Variants in ADGRL2 observed in about 807,000 individuals in gnomAD.
The protein encoded by ADGRL2 is adhesion G protein-coupled receptor L2.
A neutral mutation model predicts 157.4 loss-of-function variants in ADGRL2; 44 were observed. The ratio of observed to expected loss-of-function variants is 0.28; its 90% CI spans 0.22 to 0.36. The LOEUF (loss-of-function observed/expected upper bound fraction) is 0.36. Among genes scored for constraint, ADGRL2 ranks in the 10% least tolerant of loss-of-function variants. The probability of loss-of-function intolerance (pLI) is 1.00; values close to 1 mark genes in which losing one functional copy is unlikely to be tolerated. For synonymous variants in ADGRL2, 585 were observed against 624.7 expected (o/e 0.94, Z 0.95); for missense variants, 1,510 against 1,768.9 (o/e 0.85, Z 2.63).
chr1:81,619,942 T>TA (rs3834770), intron 3 of ADGRL2, among the ~76,000 whole-genome samples: 58,728 of 150,770 alleles, frequency 0.39, 11,820 homozygotes, highest in African/African-American at 0.49. Context: ...TCCATTTCTT[T>TA]AAAAAAAAAG....
rs114345609 is a variant in ADGRL2, at chr1:81,309,053, G to T, written c.-302+2544G>T. ...AAAAAGATAAATTATCATCTTAAAA[G>T]GATGCTATGGAAGGTGTTAATAAGT... On this transcript the variant is annotated intron_variant, in intron 1 of 24. Transcript: ENST00000370721. Among the ~76,000 whole-genome samples, 203 of 152,182 alleles carry T rather than the reference G, an allele frequency of 1.3e-3. 1 individual carries two copies. Among genetic ancestry groups the T allele is most frequent in the Non-Finnish European group, 2.3e-3 (159 of 67,972 alleles).
intron 2 of ADGRL2, among the ~76,000 whole-genome samples, chr1:81,519,487 G>T (rs1298994965): frequency 6.6e-6 from 1 of 151,974 alleles, no homozygotes; most frequent in African/African-American, 2.4e-5. Context: ...TATAACAAAA[G>T]ATACTAATTT....
chr1:81,602,247 G>T (rs941170027), intron 3 of ADGRL2, among the ~76,000 whole-genome samples: 5 of 152,046 alleles, frequency 3.3e-5, no homozygotes, highest in Admixed American at 6.6e-5. Flanking sequence ...ATCGCTTGAG[G>T]TCAGGAGTTT....
chr1:81,837,329 G>A (rs975158141), intron 2 of ADGRL2, among the ~76,000 whole-genome samples: 11 of 151,860 alleles, frequency 7.2e-5, no homozygotes, highest in Non-Finnish European at 1.5e-4. Flanking sequence ...TGAAAGCTCT[G>A]TTTTGGTATA....
chr1:81,860,629 G>A (rs1366245444), intron 2 of ADGRL2, among the ~76,000 whole-genome samples: 9 of 152,150 alleles, frequency 5.9e-5, no homozygotes, highest in Admixed American at 3.3e-4. Context: ...TTGGGGAAGC[G>A]TAATTTCTAG....
At chr1:81,619,810 C>T (rs748138255) in intron 3 of ADGRL2, among the ~76,000 whole-genome samples, 1 of 151,790 alleles carries the variant, frequency 6.6e-6, no homozygotes, top group African/African-American at 2.4e-5. Context: ...ACCAGGGAAG[C>T]ACTGTATGAA....
chr1:81,333,305 C>A lies in ADGRL2; in HGVS notation c.-302+26796C>A, dbSNP rs557648496. On this transcript the variant is annotated intron_variant, in intron 1 of 24. Coordinates refer to the ADGRL2 transcript ENST00000370721. ...AAAAATGTAGAATTACCGGAGACAC[C>A]TTTTATGGTACCTTATTAGAGTCAA... is the stretch of plus-strand genomic sequence containing the variant. Among the ~76,000 whole-genome samples the A allele has an allele frequency of 2.6e-5, 4 of 152,216 alleles. No homozygotes were observed. In the East Asian group the frequency reaches 7.7e-4, roughly 29 times the overall value.
chr1:81,547,995 T>TAC (rs2080059235), intron 2 of ADGRL2, among the ~76,000 whole-genome samples: 1 of 152,182 alleles, frequency 6.6e-6, no homozygotes, highest in Non-Finnish European at 1.5e-5. Context: ...AAAGTCTTAT[T>TAC]ACACACATTT....
At chr1:81,641,006 T>C (rs2082209587) in intron 3 of ADGRL2, among the ~76,000 whole-genome samples, 1 of 152,252 alleles carries the variant, frequency 6.6e-6, no homozygotes, top group African/African-American at 2.4e-5. Context: ...AAAGGATTAA[T>C]ATATTCTTTG....
chr1:81,930,986 T>TA (rs1229465097), intron 3 of ADGRL2, among the ~76,000 whole-genome samples: 1 of 151,642 alleles, frequency 6.6e-6, no homozygotes, highest in Non-Finnish European at 1.5e-5. Context: ...AAAATAAAAA[T>TA]AAAAAAATAA....
rs939798389 is a variant in ADGRL2 at position 81,504,818 on chromosome 1, G to T, written c.-248+59729G>T. Among the ~76,000 whole-genome samples the T allele has an allele frequency of 9.9e-5, 15 of 152,216 alleles. 1 individual carries two copies. The highest frequency in any genetic ancestry group is 7.8e-4 in the Admixed American group (12 of 15,294). ...CATTCCCAGCTCAGGGCACAGGCAG[G>T]CTGGGGTCCTCGCTGGCCTTGCCAG... On this transcript the variant is annotated intron_variant, in intron 2 of 24. Coordinates refer to the ADGRL2 transcript ENST00000370721.
intron 2 of ADGRL2, among the ~76,000 whole-genome samples, chr1:81,853,637 G>A (rs1465367820): frequency 6.6e-6 from 1 of 152,078 alleles, no homozygotes; most frequent in African/African-American, 2.4e-5. Flanking sequence ...TTCAAAGACT[G>A]TAAAAAATGA....
intron 1 of ADGRL2, among the ~76,000 whole-genome samples, chr1:81,441,950 C>T (rs1557691893): frequency 6.6e-6 from 1 of 152,164 alleles, no homozygotes; most frequent in South Asian, 2.1e-4. Context: ...ATCTTCTCAC[C>T]TCAGCCTCCA....
intron 1 of ADGRL2, among the ~76,000 whole-genome samples, chr1:81,341,020 T>C (rs949194999): frequency 2.0e-5 from 3 of 152,088 alleles, no homozygotes; most frequent in East Asian, 1.9e-4. Context: ...GTCCCAATCA[T>C]ATGTTTGAAA....
chr1:81,518,049 C>G (rs2148139533), intron 2 of ADGRL2, among the ~76,000 whole-genome samples: 1 of 152,328 alleles, frequency 6.6e-6, no homozygotes, highest in Admixed American at 6.5e-5. Context: ...ATTAAATTCC[C>G]TTAAAGAGAA....
chr1:81,592,410 T>A (rs1183902456), intron 3 of ADGRL2, among the ~76,000 whole-genome samples: 6 of 152,244 alleles, frequency 3.9e-5, no homozygotes, highest in Non-Finnish European at 8.8e-5. Context: ...CATAGTTTGC[T>A]GACCCCTGAT....
At chr1:81,789,117 T>C (rs2087203297) in intron 2 of ADGRL2, among the ~76,000 whole-genome samples, 1 of 152,314 alleles carries the variant, frequency 6.6e-6, no homozygotes, top group Non-Finnish European at 1.5e-5. Flanking sequence ...CCAGTGTGTA[T>C]GGTGCAAACA....
intron 2 of ADGRL2, among the ~76,000 whole-genome samples, chr1:81,540,215 A>C (rs2079848837): frequency 6.6e-6 from 1 of 152,200 alleles, no homozygotes; most frequent in Non-Finnish European, 1.5e-5. Context: ...TTTTCCTAAA[A>C]ATTTTGCAAT....
intron 3 of ADGRL2, among the ~76,000 whole-genome samples, chr1:81,920,622 T>C (rs2094955581): frequency 6.6e-6 from 1 of 152,128 alleles, no homozygotes; most frequent in Admixed American, 6.6e-5. Flanking sequence ...CTCTGCCAAC[T>C]CCAGAGCTCC....
Sources: allele counts gnomAD v4.1 joint callset (sites outside exome capture counted in the v4.1 genomes callset), GRCh38; gene constraint gnomAD v4.1.1; transcripts MANE v1.5; gene names NCBI Gene and HGNC (gene_info 2026-07-23, HGNC 2026-07-21).